Variants in ITGA4 observed in about 807,000 individuals in gnomAD.
ITGA4 encodes the protein integrin alpha-4.
Under a neutral mutation model 133.6 loss-of-function variants are expected in ITGA4, and 63 were observed. The observed-to-expected ratio is 0.47, with a 90% CI of 0.38 to 0.58. ITGA4 has a LOEUF of 0.58. Ranked by LOEUF, ITGA4 falls within the 20% of genes least tolerant of loss-of-function variation. The probability of loss-of-function intolerance (pLI) is 0.00; values close to 1 mark genes in which losing one functional copy is unlikely to be tolerated. For missense variants in ITGA4, 1,076 were observed against 1,252.7 expected (o/e 0.86, Z 2.13); for synonymous variants, 483 against 438.0 (o/e 1.10, Z -1.28).
rs932444401 is a variant in ITGA4, at chr2:181,529,477, T to G, written c.2431-64T>G. Reference sequence around the variant, plus strand: ...TATACGGGATCACCTAAAAGCTCACTGATATCTGTACTTACATTTATAGAA... The same window carrying G: ...TATACGGGATCACCTAAAAGCTCACGGATATCTGTACTTACATTTATAGAA... On this transcript the variant is annotated intron_variant, in intron 22 of 27. Coordinates refer to ENST00000397033, the MANE Select transcript of ITGA4 (RefSeq NM_000885.6). The G allele has an allele frequency of 2.5e-5, 20 of 789,094 alleles. 1 individual carries two copies. Among genetic ancestry groups the G allele is most frequent in the Non-Finnish European group, 3.9e-5 (18 of 461,244 alleles). The allele number at this position is 789,094 out of a possible 1,614,324, so 48.9% of individuals were successfully genotyped here.
intron 24 of ITGA4, 92 bp from the exon 25 acceptor site, chr2:181,531,565 A>G (rs1686945818): frequency 9.0e-6 from 5 of 552,820 alleles, no homozygotes; most frequent in Non-Finnish European, 1.4e-5. Context: ...TCAAAATGCC[A>G]TTAGAGTATA....
intron 25 of ITGA4, among the ~76,000 whole-genome samples, chr2:181,533,048 A>G (rs895306624): frequency 6.1e-5 from 9 of 148,152 alleles, no homozygotes; most frequent in Non-Finnish European, 8.9e-5. Flanking sequence ...TCAACAACAA[A>G]AACATATTTA....
At position 181,494,777 on chromosome 2, in the gene ITGA4, C is replaced by A; in HGVS notation, c.1304C>A (p.Ser435Ter). Reference protein sequence around the residue: ...KSLSMFGQSISGQIDADNNGY... With the variant: ...KSLSMFGQSI ...TTAAGTATGTTTGGACAGTCTATAT[C>A]AGGACAAATTGATGCAGATAATAAT... Residue 435 changes from serine to a stop codon, truncating the protein, a stop_gained, in exon 12 of 28, where the codon TCA (serine) becomes TAA (stop). Transcript: ENST00000397033. LOFTEE classifies it high-confidence loss of function. The A allele has an allele frequency of 6.3e-7, 1 of 1,595,844 alleles. No homozygotes were observed. Among genetic ancestry groups the A allele is most frequent in the Non-Finnish European group, 8.6e-7 (1 of 1,163,608 alleles).
At chr2:181,480,442 C>T (rs1559042066) in intron 6 of ITGA4, among the ~76,000 whole-genome samples, 176 bp downstream of exon 6, 1 of 152,040 alleles carries the variant, frequency 6.6e-6, no homozygotes, top group South Asian at 2.1e-4. Flanking sequence ...TCAGTGAACT[C>T]AGTATTTTAC....
At chr2:181,505,209 A>C (rs1686369417) in intron 15 of ITGA4, among the ~76,000 whole-genome samples, 1 of 152,004 alleles carries the variant, frequency 6.6e-6, no homozygotes, top group Admixed American at 6.6e-5. Context: ...ACTGACTTTC[A>C]GTTTTGTAAC....
At chr2:181,524,328 A>C in intron 20 of ITGA4, 78 bp downstream of exon 20, 2 of 774,270 alleles carry the variant, frequency 2.6e-6, no homozygotes, top group African/African-American at 1.8e-5. Flanking sequence ...GAACCGTAAA[A>C]CTGTGTTCCA....
chr2:181,522,790 A>T (rs919294413), intron 18 of ITGA4, among the ~76,000 whole-genome samples: 1 of 152,172 alleles, frequency 6.6e-6, no homozygotes, highest in Non-Finnish European at 1.5e-5. Context: ...CCTTCATACC[A>T]ATAGTGACCT....
intron 26 of ITGA4, 123 bp from the exon 27 acceptor site, chr2:181,534,693 A>C: frequency 1.2e-6 from 1 of 802,704 alleles, no homozygotes; most frequent in South Asian, 1.7e-5. Context: ...CCAGCAAGAA[A>C]ATGGGCTGGG....
intron 15 of ITGA4, among the ~76,000 whole-genome samples, chr2:181,502,364 G>T (rs1686293704): frequency 6.6e-6 from 1 of 152,106 alleles, no homozygotes. Flanking sequence ...TTGGGGTTTT[G>T]TCTTTTAAGA....
At chr2:181,465,744 A>G (rs1384156173) in intron 2 of ITGA4, among the ~76,000 whole-genome samples, 10 of 152,142 alleles carry the variant, frequency 6.6e-5, no homozygotes, top group African/African-American at 1.9e-4. Flanking sequence ...AAATAATGGA[A>G]AAGTACTAAC....
intron 17 of ITGA4, among the ~76,000 whole-genome samples, chr2:181,519,975 A>T (rs1686684926): frequency 6.6e-6 from 1 of 152,000 alleles, no homozygotes; most frequent in African/African-American, 2.4e-5. Context: ...TTTTTTGAAG[A>T]CTGTGTTGTT....
chr2:181,458,288 C>G lies in ITGA4; in HGVS notation c.290C>G (p.Pro97Arg). 6.2e-7 allele frequency: 1 copy of G among 1,612,518 alleles called. No individual in the cohort carries two copies. Among genetic ancestry groups the G allele is most frequent in the East Asian group, 2.2e-5 (1 of 44,798 alleles). Residue 97 changes from proline (P) to arginine (R), a missense_variant, in exon 2 of 28, where the codon CCC becomes CGC. By Grantham distance (103) the Pro-to-Arg change is moderately radical (BLOSUM62 -2). Transcript: ENST00000397033. ...AIYRCRIGKN[P>R]GQTCEQLQLG... Reference sequence around the variant, plus strand: ...TACAGATGCAGGATCGGAAAGAATCCCGGCCAGACGTGCGAACAGCTCCAG... The same window carrying G: ...TACAGATGCAGGATCGGAAAGAATCGCGGCCAGACGTGCGAACAGCTCCAG...
chr2:181,485,320 C>G (rs1685890964), intron 9 of ITGA4, among the ~76,000 whole-genome samples: 1 of 152,134 alleles, frequency 6.6e-6, no homozygotes. Context: ...TGCTAGTTTT[C>G]TCTGTATATC....
In ITGA4 at chr2:181,537,133, T is replaced by TAAA; in HGVS notation, c.*1606_*1607insAAA. On this transcript the variant is annotated 3_prime_UTR_variant, in exon 28 of 28. Coordinates refer to ENST00000397033, the MANE Select transcript of ITGA4 (RefSeq NM_000885.6). Reference sequence around the variant, plus strand: ...GACATTTATGTATTTTTAAAAAACTTTGTATCGTTATAAAAAGGCTAGTCA... The same window carrying TAAA: ...GACATTTATGTATTTTTAAAAAACTTAAATGTATCGTTATAAAAAGGCTAGTCA... The TAAA allele has an allele frequency of 2.2e-6, 1 of 453,504 alleles. No homozygotes were observed. The highest frequency in any genetic ancestry group is 4.4e-6 in the Non-Finnish European group (1 of 226,632). The allele number at this position is 453,504 out of a possible 1,614,324, so 28.1% of individuals were successfully genotyped here.
intron 10 of ITGA4, among the ~76,000 whole-genome samples, chr2:181,487,119 G>GA (rs1252694643): frequency 6.6e-6 from 1 of 151,862 alleles, no homozygotes; most frequent in Non-Finnish European, 1.5e-5. Flanking sequence ...AAAACTGAAA[G>GA]AAAAAAATAG....
chr2:181,509,740 C>T lies in ITGA4; in HGVS notation c.1778C>T (p.Thr593Ile), dbSNP rs202138044. 2 of 1,610,856 alleles carry T rather than the reference C, an allele frequency of 1.2e-6. No homozygotes were observed. Among genetic ancestry groups the T allele is most frequent in the East Asian group, 4.5e-5 (2 of 44,708 alleles). ...CCTCATGTCATCAGTAAACGAAGTA[C>T]AGAGGAATTCCCACCACTTCAGCCA... is the stretch of plus-strand genomic sequence containing the variant. ...LGPHVISKRSTEEFPPLQPIL... is the reference protein window; with the variant it reads ...LGPHVISKRSIEEFPPLQPIL... The change falls in exon 16 of 28, where the codon ACA (threonine) becomes ATA (isoleucine). Residue 593 changes from threonine (T) to isoleucine (I), a missense_variant. By Grantham distance (89) the Thr-to-Ile change is moderately conservative. Coordinates refer to ENST00000397033, the MANE Select transcript of ITGA4 (RefSeq NM_000885.6).
At chr2:181,526,132 C>G (rs1359423657) in intron 21 of ITGA4, among the ~76,000 whole-genome samples, 2 of 152,116 alleles carry the variant, frequency 1.3e-5, no homozygotes, top group Non-Finnish European at 2.9e-5. Context: ...TGAGATAAAG[C>G]AAACGGGTGA....
chr2:181,505,719 C>A (rs1244595693), intron 15 of ITGA4, among the ~76,000 whole-genome samples: 1 of 151,930 alleles, frequency 6.6e-6, no homozygotes, highest in South Asian at 2.1e-4. Flanking sequence ...GTAAGAAAAG[C>A]GTAATTAATA....
intron 24 of ITGA4, 32 bp from the exon 25 acceptor site, chr2:181,531,625 T>C: frequency 7.3e-7 from 1 of 1,375,244 alleles, no homozygotes; most frequent in East Asian, 2.5e-5. Context: ...ATGTTGAAAA[T>C]TTTAATGTAG....
Sources: gnomAD v4.1 joint callset for allele counts (sites outside exome capture counted in the v4.1 genomes callset) on GRCh38, gnomAD v4.1.1 for gene constraint, MANE v1.5 for transcripts, NCBI Gene and HGNC (gene_info 2026-07-23, HGNC 2026-07-21) for gene names.